MEIKIN: variants seen among roughly 807,000 people sequenced by gnomAD.
The protein encoded by MEIKIN is meiosis-specific kinetochore protein.
intron 2 of MEIKIN, among the ~76,000 whole-genome samples, chr5:131,944,953 G>A (rs575793853): frequency 1.3e-5 from 2 of 152,260 alleles, no homozygotes; most frequent in South Asian, 4.1e-4. Context: ...TTCCTTTTAC[G>A]TAAATTGGCA....
chr5:131,846,049 A>G (rs1750013022), intron 11 of MEIKIN, among the ~76,000 whole-genome samples: 1 of 152,208 alleles, frequency 6.6e-6, no homozygotes, highest in South Asian at 2.1e-4. Context: ...GTTGCACACA[A>G]GGGATCTTTA....
intron 9 of MEIKIN, among the ~76,000 whole-genome samples, chr5:131,873,465 T>A (rs926481681): frequency 6.6e-6 from 1 of 152,208 alleles, no homozygotes; most frequent in Non-Finnish European, 1.5e-5. Context: ...TAAATATATA[T>A]GCACCCAATA....
intron 7 of MEIKIN, among the ~76,000 whole-genome samples, chr5:131,915,627 A>G (rs2149645344): frequency 6.6e-6 from 1 of 152,296 alleles, no homozygotes; most frequent in South Asian, 2.1e-4. Context: ...ATCACCTACC[A>G]ATATGCCATT....
Position 131,833,567 on chromosome 5 carries a change from G to A in MEIKIN, c.976-14704C>T, listed in dbSNP as rs576723960. Among the ~76,000 whole-genome samples the A allele has an allele frequency of 2.0e-4, 30 of 152,288 alleles. No homozygotes were observed. In the South Asian group the frequency reaches 5.8e-3, roughly 29 times the overall value. ...GTTCCACATGGCTTGGGAGGCCTCA[G>A]AATCATAACAGGAGGCGAAAAGCAC... is the stretch of plus-strand genomic sequence containing the variant. On this transcript the variant is annotated intron_variant, in intron 11 of 12. Transcript: ENST00000442687.
intron 8 of MEIKIN, among the ~76,000 whole-genome samples, chr5:131,904,669 C>G (rs980674959): frequency 1.3e-5 from 2 of 152,124 alleles, no homozygotes; most frequent in Non-Finnish European, 2.9e-5. Context: ...ATAAATCATA[C>G]TACTATAAAG....
chr5:131,853,952 A>G (rs1337867940), intron 10 of MEIKIN, among the ~76,000 whole-genome samples: 1 of 152,182 alleles, frequency 6.6e-6, no homozygotes, highest in Non-Finnish European at 1.5e-5. Flanking sequence ...TCAAAAAGAA[A>G]AATTGAATTA....
At chr5:131,916,170 T>C (rs959194086) in intron 7 of MEIKIN, among the ~76,000 whole-genome samples, 1 of 152,180 alleles carries the variant, frequency 6.6e-6, no homozygotes, top group African/African-American at 2.4e-5. Context: ...AATATTACAT[T>C]ATAAATTGTG....
chr5:131,858,933 A>G (rs1750238758), intron 9 of MEIKIN, among the ~76,000 whole-genome samples: 1 of 152,202 alleles, frequency 6.6e-6, no homozygotes, highest in Non-Finnish European at 1.5e-5. Flanking sequence ...AATAGATGCT[A>G]GCAAGATTGT....
rs1170169619 is a variant in MEIKIN at position 131,851,342 on chromosome 5, T to C, written c.897A>G (p.Leu299=). The C allele has an allele frequency of 2.5e-6, 1 of 398,200 alleles. No homozygotes were observed. Among genetic ancestry groups the C allele is most frequent in the Admixed American group, 4.4e-5 (1 of 22,716 alleles). 24.7% of individuals were successfully genotyped at this position (398,200 alleles called of 1,614,324 possible). A position where few individuals can be genotyped will look rare whatever the true frequency, so the allele number is the denominator to read the frequency against. The change falls in exon 11 of 13, where the codon CTA becomes CTG. Residue 299 remains leucine (L), a synonymous_variant. Transcript: ENST00000442687. ...SSVQKASFEE[L]FPNVSNYVNS... ...TAACATAATTGCTGACATTTGGAAA[T>C]AGTTCTTCAAAAGATGCTTTTTGCA...
chr5:131,862,084 C>A (rs1750295100), intron 9 of MEIKIN, among the ~76,000 whole-genome samples: 1 of 152,100 alleles, frequency 6.6e-6, no homozygotes, highest in African/African-American at 2.4e-5. Flanking sequence ...TGATCCTGGG[C>A]TTTTCTTTAT....
chr5:131,855,126 C>G (rs1053596457), intron 9 of MEIKIN, among the ~76,000 whole-genome samples: 1 of 152,108 alleles, frequency 6.6e-6, no homozygotes, highest in African/African-American at 2.4e-5. Flanking sequence ...GAAAGAAAAG[C>G]TAATTAGAGT....
At chr5:131,923,348 AT>A (rs1317694600) in intron 5 of MEIKIN, among the ~76,000 whole-genome samples, 1 of 152,074 alleles carries the variant, frequency 6.6e-6, no homozygotes, top group Non-Finnish European at 1.5e-5. Context: ...CTGGAAACTC[AT>A]AATTTATAGC....
Position 131,830,058 on chromosome 5 carries a change from A to G in MEIKIN, c.976-11195T>C, listed in dbSNP as rs536435856. On this transcript the variant is annotated intron_variant, in intron 11 of 12. Transcript: ENST00000442687. ...ACACACAAAAAAGTGGTCACAGTTT[A>G]CTGTATGCCATAAATTGGGTAGAAT... Among the ~76,000 whole-genome samples the G allele has an allele frequency of 6.0e-4, 91 of 152,338 alleles. 1 individual carries two copies. The highest frequency in any genetic ancestry group is 2.0e-3 in the African/African-American group (83 of 41,576).
In MEIKIN at chr5:131,854,676, T is replaced by C. The variant is rs892360819; in HGVS notation, c.855+78A>G. The C allele has an allele frequency of 1.0e-5, 4 of 395,402 alleles. No individual in the cohort carries two copies. In the South Asian group the frequency reaches 5.2e-4, roughly 51 times the overall value. 24.5% of individuals were successfully genotyped at this position (395,402 alleles called of 1,614,324 possible). On this transcript the variant is annotated intron_variant, in intron 10 of 12. Coordinates refer to ENST00000442687, the MANE Select transcript of MEIKIN (RefSeq NM_001303622.2). ...TTATTCTCCATAGGCAATATTTCCCTGATATGAGAAAAATAGAAGAATGGG... is the reference window on the plus strand; with the variant it reads ...TTATTCTCCATAGGCAATATTTCCCCGATATGAGAAAAATAGAAGAATGGG...
At chr5:131,874,632 C>T (rs1035343106) in intron 9 of MEIKIN, among the ~76,000 whole-genome samples, 1 of 152,192 alleles carries the variant, frequency 6.6e-6, no homozygotes, top group Non-Finnish European at 1.5e-5. Context: ...GGAATCCTCC[C>T]TAACTCATTT....
At position 131,891,662 on chromosome 5, in the gene MEIKIN, T is replaced by G. The variant is rs191226330; in HGVS notation, c.704-12614A>C. Among the ~76,000 whole-genome samples, 790 of 152,344 alleles carry G rather than the reference T, an allele frequency of 5.2e-3. 4 individuals carry two copies. The highest frequency in any genetic ancestry group is 0.017 in the African/African-American group (717 of 41,586). ...ACAGCACACTGATGGGTCTTGACTC[T>G]TTATCCAATTTGCCAGTCTGTGTCT... On this transcript the variant is annotated intron_variant, in intron 8 of 12. Transcript: ENST00000442687.
At position 131,918,506 on chromosome 5, in the gene MEIKIN, A is replaced by G. The variant is rs1310185119; in HGVS notation, c.599-1581T>C. On this transcript the variant is annotated intron_variant, in intron 6 of 12. Coordinates refer to ENST00000442687, the MANE Select transcript of MEIKIN (RefSeq NM_001303622.2). ...AAATATGGCCATCCAGACAGCTATC[A>G]ACTTTCCAATAAAGGACCCCTAACT... Among the ~76,000 whole-genome samples the G allele has an allele frequency of 2.0e-5, 3 of 152,230 alleles. No homozygotes were observed. The East Asian group carries it at 5.8e-4, about 29-fold the overall frequency.
chr5:131,866,534 C>T lies in MEIKIN; in HGVS notation c.775-11700G>A, dbSNP rs574072274. The stretch of plus-strand genomic sequence containing the variant: ...AGAGTGGGGTTGCTTCCCCCGGGAA[C>T]AGCCATAGGCAGGAAACTGAAAGGG... On this transcript the variant is annotated intron_variant, in intron 9 of 12. Coordinates refer to ENST00000442687, the MANE Select transcript of MEIKIN (RefSeq NM_001303622.2). Among the ~76,000 whole-genome samples the T allele has an allele frequency of 1.2e-4, 19 of 152,306 alleles. No homozygotes were observed. The South Asian group carries it at 3.5e-3, about 28-fold the overall frequency.
intron 9 of MEIKIN, among the ~76,000 whole-genome samples, chr5:131,866,251 T>A (rs1055617529): frequency 6.6e-6 from 1 of 151,530 alleles, no homozygotes; most frequent in Admixed American, 6.6e-5. Context: ...TAGTGGCAGG[T>A]TGATTGAGCC....
Sources: gnomAD v4.1 joint callset for allele counts (sites outside exome capture counted in the v4.1 genomes callset) on GRCh38, gnomAD v4.1.1 for gene constraint, MANE v1.5 for transcripts, NCBI Gene and HGNC (gene_info 2026-07-23, HGNC 2026-07-21) for gene names.